Variants in RTN4 observed in about 807,000 individuals in gnomAD.
The protein encoded by RTN4 is reticulon-4.
A neutral mutation model predicts 90.4 loss-of-function variants in RTN4; 32 were observed. The observed-to-expected ratio is 0.35, with a 90% CI of 0.27 to 0.48. The LOEUF (loss-of-function observed/expected upper bound fraction) is 0.48, where lower values mean the gene tolerates loss of function less well. RTN4 is among the 20% of genes least tolerant of loss of function. The probability of loss-of-function intolerance (pLI) is 0.99; values close to 1 mark genes in which losing one functional copy is unlikely to be tolerated. For synonymous variants in RTN4, 629 were observed against 552.5 expected (o/e 1.14, Z -1.94); for missense variants, 1,706 against 1,430.2 (o/e 1.19, Z -3.11).
At chr2:55,029,104 C>T (rs1393479292) in intron 1 of RTN4, among the ~76,000 whole-genome samples, 1 of 152,130 alleles carries the variant, frequency 6.6e-6, no homozygotes, top group Non-Finnish European at 1.5e-5. Flanking sequence ...CAAGAAGAGA[C>T]ACCAGAGAGC....
chr2:54,976,078 G>T (rs1406792589), intron 5 of RTN4, among the ~76,000 whole-genome samples: 1 of 152,208 alleles, frequency 6.6e-6, no homozygotes, highest in Non-Finnish European at 1.5e-5. Context: ...TATAGAGTAA[G>T]AGAGTTATTT....
At chr2:55,092,291 A>G (rs1317889789) in intron 1 of RTN4, among the ~76,000 whole-genome samples, 4 of 147,214 alleles carry the variant, frequency 2.7e-5, no homozygotes, top group Admixed American at 2.1e-4. Context: ...GCTGGAGTGT[A>G]ATGGCATGAT....
chr2:55,087,535 G>A (rs1472416338), intron 1 of RTN4, among the ~76,000 whole-genome samples: 3 of 152,056 alleles, frequency 2.0e-5, no homozygotes, highest in African/African-American at 4.8e-5. Flanking sequence ...GGTACATATA[G>A]TTCCAATTTA....
In RTN4 at chr2:55,049,755, C is replaced by T. The variant is rs752445810; in HGVS notation, c.546G>A (p.Ser182=). The change falls in exon 1 of 9, where the codon TCG becomes TCA. Residue 182 remains serine (S), a synonymous_variant. Transcript: ENST00000337526. ...GGTCGCGGCACTCACCCACTGAGCCCGAGGAGCCCCTGCGCTTGGGCGCGG... is the reference window on the plus strand; with the variant it reads ...GGTCGCGGCACTCACCCACTGAGCCTGAGGAGCCCCTGCGCTTGGGCGCGG... ...TPAAPKRRGS[S]GSVDETLFAL... The T allele has an allele frequency of 9.7e-6, 13 of 1,343,724 alleles. No individual in the cohort carries two copies. The African/African-American group carries it at 1.5e-4, about 16-fold the overall frequency. The allele number at this position is 1,343,724 out of a possible 1,614,324, so 83.2% of individuals were successfully genotyped here.
upstream of RTN4, among the ~76,000 whole-genome samples, chr2:55,113,648 A>G (rs1032544039): frequency 3.3e-5 from 5 of 152,164 alleles, no homozygotes; most frequent in African/African-American, 4.8e-5. Context: ...GTGTAAGTAA[A>G]TTGGCTCTAT....
At chr2:55,038,524 T>C (rs1450557947) in intron 1 of RTN4, among the ~76,000 whole-genome samples, 1 of 152,168 alleles carries the variant, frequency 6.6e-6, no homozygotes, top group Non-Finnish European at 1.5e-5. Flanking sequence ...GTAAAAGTCC[T>C]CTAATTCATT....
chr2:55,070,752 T>TTGTTGC lies in RTN4; in HGVS notation c.-63+9736_-63+9737insGCAACA, dbSNP rs1352711877. Among the ~76,000 whole-genome samples, 3 of 150,568 alleles carry TTGTTGC rather than the reference T, an allele frequency of 2.0e-5. No homozygotes were observed. In the East Asian group the frequency reaches 5.9e-4, roughly 29 times the overall value. On this transcript the variant is annotated intron_variant, in intron 2 of 3. Coordinates refer to the RTN4 transcript ENST00000427710. ...GGACAAACAGCTGTTTTGATTTTTG[T>TTGTTGC]TGTTGTTGTTGTTGTTGTTTGTTTT...
chr2:55,070,977 T>C (rs1006031603), intron 2 of RTN4, among the ~76,000 whole-genome samples: 31 of 151,844 alleles, frequency 2.0e-4, no homozygotes, highest in Non-Finnish European at 4.0e-4. Context: ...GGGGTTTCAC[T>C]GTGTTAGCCA....
intron 2 of RTN4, among the ~76,000 whole-genome samples, chr2:55,073,024 T>C (rs968507173): frequency 8.5e-5 from 13 of 152,324 alleles, no homozygotes; most frequent in Non-Finnish European, 1.8e-4. Context: ...TCCCTCAATA[T>C]AATTATTTAT....
chr2:55,013,627 A>AG (rs1372103350), intron 3 of RTN4, among the ~76,000 whole-genome samples: 1 of 58,402 alleles, frequency 1.7e-5, no homozygotes, highest in South Asian at 7.1e-4. Flanking sequence ...GGGAGGGTGT[A>AG]GGGGGGGTGG....
At chr2:54,977,948 C>G (rs1677777081) in intron 5 of RTN4, among the ~76,000 whole-genome samples, 1 of 152,212 alleles carries the variant, frequency 6.6e-6, no homozygotes, top group Admixed American at 6.5e-5. Context: ...CCCATCATTT[C>G]ACACCGGTGT....
chr2:55,001,287 C>T (rs186322509), intron 3 of RTN4, among the ~76,000 whole-genome samples: 49 of 152,208 alleles, frequency 3.2e-4, no homozygotes, highest in African/African-American at 1.2e-3. Flanking sequence ...TTGTAAACAC[C>T]GAGTGTGTTT....
chr2:55,013,610 G>T (rs868428072), intron 3 of RTN4, among the ~76,000 whole-genome samples: 8,655 of 60,396 alleles, frequency 0.14, 802 homozygotes, highest in African/African-American at 0.41. Flanking sequence ...TTTTTTTTTG[G>T]GGGGGGGGGA....
the RTN4 span, among the ~76,000 whole-genome samples, chr2:55,133,269 T>G: frequency 2.6e-5 from 4 of 152,270 alleles, no homozygotes; most frequent in African/African-American, 7.2e-5. Context: ...TATTTATATA[T>G]GGGGTTCATA....
chr2:54,984,432 T>A (rs1290588026), intron 4 of RTN4, among the ~76,000 whole-genome samples: 1 of 152,238 alleles, frequency 6.6e-6, no homozygotes, highest in East Asian at 1.9e-4. Context: ...GCACTGATAT[T>A]TAAACCAGCA....
At chr2:55,135,208 GTTT>G in the RTN4 span, among the ~76,000 whole-genome samples, 534 of 109,102 alleles carry the variant, frequency 4.9e-3, 5 homozygotes, top group African/African-American at 0.016. Flanking sequence ...TGTTTTTTTG[GTTT>G]TTTTTTTTTT....
At chr2:55,009,526 G>A (rs115273254) in intron 3 of RTN4, among the ~76,000 whole-genome samples, 3,280 of 152,190 alleles carry the variant, frequency 0.022, 65 homozygotes, top group South Asian at 0.034. Context: ...ATATAGACAT[G>A]CATTTAAAAT....
intron 4 of RTN4, among the ~76,000 whole-genome samples, chr2:54,984,801 C>T (rs1365695965): frequency 6.6e-6 from 1 of 152,124 alleles, no homozygotes; most frequent in African/African-American, 2.4e-5. Context: ...TATAAAAGGA[C>T]TTTAAGAATA....
intron 2 of RTN4, among the ~76,000 whole-genome samples, chr2:55,064,349 C>CT (rs70947003): frequency 0.16 from 21,300 of 133,204 alleles, 2,366 homozygotes; most frequent in African/African-American, 0.27. Context: ...CACAAACATT[C>CT]TTTTTTTTTT....
Sources: gnomAD v4.1 joint callset for allele counts (sites outside exome capture counted in the v4.1 genomes callset) on GRCh38, gnomAD v4.1.1 for gene constraint, MANE v1.5 for transcripts, NCBI Gene and HGNC (gene_info 2026-07-23, HGNC 2026-07-21) for gene names.